Variants in ATP1B3 observed in about 807,000 individuals in gnomAD.
The protein encoded by ATP1B3 is sodium/potassium-transporting ATPase subunit beta-3.
ATP1B3 carries 10 observed loss-of-function variants against 30.2 expected under a neutral mutation model. The observed-to-expected ratio is 0.33, with a 90% CI of 0.20 to 0.56. The LOEUF is 0.56. Ranked by LOEUF, ATP1B3 falls within the 20% of genes least tolerant of loss-of-function variation. ATP1B3 has a pLI of 0.90. For missense variants in ATP1B3, 238 were observed against 336.7 expected, an observed-to-expected ratio of 0.71 and a Z score of 2.29; for synonymous variants, 113 against 117.0, an observed-to-expected ratio of 0.97 and a Z score of 0.22.
At chr3:141,920,898 T>C (rs1301163328) in intron 5 of ATP1B3, among the ~76,000 whole-genome samples, 1 of 152,154 alleles carries the variant, frequency 6.6e-6, no homozygotes, top group African/African-American at 2.4e-5. Context: ...GCATCATCAC[T>C]CTGTCCTTTG....
At chr3:141,899,268 T>C (rs1934119950) in intron 1 of ATP1B3, among the ~76,000 whole-genome samples, 1 of 152,208 alleles carries the variant, frequency 6.6e-6, no homozygotes, top group African/African-American at 2.4e-5. Flanking sequence ...ATACAAAAGA[T>C]TATAAACTTG....
intron 5 of ATP1B3, among the ~76,000 whole-genome samples, chr3:141,919,710 A>G (rs997733418): frequency 1.3e-5 from 2 of 152,136 alleles, no homozygotes; most frequent in Admixed American, 6.6e-5. Context: ...AGGCCAAGGT[A>G]GGCGGATCAC....
At chr3:141,896,351 T>C (rs973291469) in intron 1 of ATP1B3, among the ~76,000 whole-genome samples, 3 of 151,966 alleles carry the variant, frequency 2.0e-5, no homozygotes, top group Non-Finnish European at 4.4e-5. Context: ...CCCCCTTCTG[T>C]ACAAAAAAAA....
chr3:141,901,903 G>A (rs1380040768), intron 1 of ATP1B3, among the ~76,000 whole-genome samples: 1 of 152,120 alleles, frequency 6.6e-6, no homozygotes, highest in Non-Finnish European at 1.5e-5. Flanking sequence ...GCCCCAGTCT[G>A]CCTATTTTTA....
intron 1 of ATP1B3, among the ~76,000 whole-genome samples, chr3:141,879,056 C>T (rs1933663282): frequency 6.6e-6 from 1 of 152,110 alleles, no homozygotes; most frequent in African/African-American, 2.4e-5. Context: ...TTTTTTAATT[C>T]TCTTGAAGGG....
At chr3:141,920,988 C>T (rs1291556364) in intron 5 of ATP1B3, among the ~76,000 whole-genome samples, 1 of 152,156 alleles carries the variant, frequency 6.6e-6, no homozygotes, top group Non-Finnish European at 1.5e-5. Flanking sequence ...ATGAAATGAG[C>T]AGAATCTAGA....
At chr3:141,889,767 A>C (rs1933905317) in intron 1 of ATP1B3, among the ~76,000 whole-genome samples, 1 of 134,266 alleles carries the variant, frequency 7.4e-6, no homozygotes, top group Non-Finnish European at 1.5e-5. Context: ...ACACACACAC[A>C]CACACACACA....
rs1022078806 is a variant in ATP1B3, at chr3:141,897,751, C to A, written c.110-5869C>A. Among the ~76,000 whole-genome samples, 3 of 151,996 alleles carry A rather than the reference C, an allele frequency of 2.0e-5. No individual in the cohort carries two copies. The South Asian group carries it at 6.2e-4, about 32-fold the overall frequency. On this transcript the variant is annotated intron_variant, in intron 1 of 6. Coordinates refer to ENST00000286371, the MANE Select transcript of ATP1B3 (RefSeq NM_001679.4). The stretch of plus-strand genomic sequence containing the variant: ...TTGAGACAGAGTCTCACTCTGACAC[C>A]CAGGCTGGAGTGCAATGGCACAATC...
intron 2 of ATP1B3, 104 bp from the exon 3 acceptor site, chr3:141,907,063 A>C: frequency 1.3e-6 from 1 of 756,200 alleles, no homozygotes; most frequent in South Asian, 2.3e-5. Context: ...GCATACTGTC[A>C]ACACAATTTT....
intron 4 of ATP1B3, among the ~76,000 whole-genome samples, chr3:141,914,829 C>CA (rs1934427578): frequency 6.6e-6 from 1 of 152,226 alleles, no homozygotes; most frequent in African/African-American, 2.4e-5. Flanking sequence ...GACACCCCTC[C>CA]AACCTCTGCT....
chr3:141,898,090 A>G (rs1219747765), intron 1 of ATP1B3, among the ~76,000 whole-genome samples: 1 of 152,210 alleles, frequency 6.6e-6, no homozygotes, highest in African/African-American at 2.4e-5. Context: ...ACCTCAAACC[A>G]TATACAAAAA....
intron 3 of ATP1B3, among the ~76,000 whole-genome samples, chr3:141,908,177 A>T (rs1429236694): frequency 6.9e-6 from 1 of 144,456 alleles, no homozygotes; most frequent in Non-Finnish European, 1.5e-5. Context: ...TATGTTTATT[A>T]TTTTAAAGTT....
intron 1 of ATP1B3, among the ~76,000 whole-genome samples, chr3:141,894,173 G>A (rs1408714987): frequency 6.6e-6 from 1 of 152,212 alleles, no homozygotes; most frequent in African/African-American, 2.4e-5. Flanking sequence ...CAGGACTACA[G>A]TTGCAGTGAG....
chr3:141,878,791 TAGTA>T (rs1335924557), intron 1 of ATP1B3, among the ~76,000 whole-genome samples: 14 of 152,228 alleles, frequency 9.2e-5, no homozygotes, highest in Admixed American at 5.9e-4. Context: ...ATTGTAATAA[TAGTA>T]AGTCAGTGAA....
At chr3:141,897,346 G>T (rs997589545) in intron 1 of ATP1B3, among the ~76,000 whole-genome samples, 1 of 151,778 alleles carries the variant, frequency 6.6e-6, no homozygotes, top group African/African-American at 2.4e-5. Flanking sequence ...ATAATTCATT[G>T]TTTACATATT....
At chr3:141,877,631 A>G (rs1933630482) in intron 1 of ATP1B3, 1 of 152,048 alleles carries the variant, frequency 6.6e-6, no homozygotes, top group Non-Finnish European at 1.5e-5. Flanking sequence ...TCTTTGGGGA[A>G]AGTAAATCCT....
At chr3:141,913,442 T>A (rs1216303103) in intron 3 of ATP1B3, among the ~76,000 whole-genome samples, 1 of 152,148 alleles carries the variant, frequency 6.6e-6, no homozygotes, top group South Asian at 2.1e-4. Context: ...ATAATCCAGT[T>A]TGTATGATTA....
At chr3:141,880,351 G>C (rs916926740) in intron 1 of ATP1B3, among the ~76,000 whole-genome samples, 3 of 152,136 alleles carry the variant, frequency 2.0e-5, no homozygotes, top group Non-Finnish European at 2.9e-5. Context: ...TCACAGTAAC[G>C]TAAAGCCAAC....
chr3:141,925,879 G>A lies in ATP1B3; in HGVS notation c.*178G>A, dbSNP rs1390604410. The A allele has an allele frequency of 8.2e-6, 6 of 736,110 alleles. No individual in the cohort carries two copies. Among genetic ancestry groups the A allele is most frequent in the African/African-American group, 3.6e-5 (2 of 55,978 alleles). 45.6% of individuals were successfully genotyped at this position (736,110 alleles called of 1,614,324 possible). ...GTGTTCAGTGTCCTCTGAAGTAACT[G>A]CCTGTTGCCTCTGCTGCCCTTTGAA... On this transcript the variant is annotated 3_prime_UTR_variant, in exon 7 of 7. Coordinates refer to ENST00000286371, the MANE Select transcript of ATP1B3 (RefSeq NM_001679.4).
Sources: gnomAD v4.1 joint callset for allele counts (sites outside exome capture counted in the v4.1 genomes callset) on GRCh38, gnomAD v4.1.1 for gene constraint, MANE v1.5 for transcripts, NCBI Gene and HGNC (gene_info 2026-07-23, HGNC 2026-07-21) for gene names.